Variants in USP7 observed in about 807,000 individuals in gnomAD.
USP7 encodes the protein ubiquitin C-terminal hydrolase 7.
In USP7, 9 loss-of-function variants were observed where a neutral mutation model predicts 162.9. The observed-to-expected ratio is 0.06, with a 90% confidence interval of 0.03 to 0.10. The LOEUF is 0.10. USP7 is among the 10% of genes least tolerant of loss of function. USP7 has a pLI of 1.00. For synonymous variants in USP7, 562 were observed against 475.9 expected (o/e 1.18, Z -2.35); for missense variants, 715 against 1,373.7 (o/e 0.52, Z 7.58).
intron 10 of USP7, among the ~76,000 whole-genome samples, chr16:8,914,069 A>C (rs1298444287): frequency 6.6e-6 from 1 of 152,068 alleles, no homozygotes; most frequent in African/African-American, 2.4e-5. Flanking sequence ...CTTTAAAGGA[A>C]TGACTATAAA....
rs978131276 is a variant in USP7, at chr16:8,893,228, T to G, written c.*770A>C. 6.6e-6 allele frequency: 1 copy of G among 152,232 alleles called. No homozygotes were observed. The highest frequency in any genetic ancestry group is 2.4e-5 in the African/African-American group (1 of 41,450). 9.4% of individuals were successfully genotyped at this position (152,232 alleles called of 1,614,324 possible). A position where few individuals can be genotyped will look rare whatever the true frequency, so the allele number is the denominator to read the frequency against. Reference sequence around the variant, plus strand: ...TGTCGTCTGTTCCACTTTAACGAAATTCTATTTATAATCCTTTCACCTGCT... The same window carrying G: ...TGTCGTCTGTTCCACTTTAACGAAAGTCTATTTATAATCCTTTCACCTGCT... On this transcript the variant is annotated 3_prime_UTR_variant, in exon 31 of 31. Coordinates refer to ENST00000344836, the MANE Select transcript of USP7 (RefSeq NM_003470.3).
chr16:8,947,506 C>T (rs1899342947), intron 1 of USP7, among the ~76,000 whole-genome samples: 1 of 152,090 alleles, frequency 6.6e-6, no homozygotes, highest in South Asian at 2.1e-4. Flanking sequence ...CACCACCACA[C>T]CCAGCTAATT....
chr16:8,936,653 G>A (rs939734028), intron 1 of USP7: 15 of 1,551,814 alleles, frequency 9.7e-6, no homozygotes, highest in Middle Eastern at 1.7e-4. Flanking sequence ...GGGGGATGGG[G>A]GAGGTTCTCT....
chr16:8,915,381 A>G (rs1222459367), intron 9 of USP7, 37 bp from the exon 10 acceptor site: 3 of 1,612,412 alleles, frequency 1.9e-6, no homozygotes, highest in African/African-American at 1.3e-5. Flanking sequence ...TTAACTAGTA[A>G]TAGTCAAAAA....
At chr16:8,945,921 T>C (rs1040361607) in intron 1 of USP7, among the ~76,000 whole-genome samples, 1 of 151,898 alleles carries the variant, frequency 6.6e-6, no homozygotes, top group Non-Finnish European at 1.5e-5. Context: ...ACAACAGCAC[T>C]GATTGAGAAA....
At position 8,908,491 on chromosome 16, in the gene USP7, C is replaced by T. The variant is rs113528786; in HGVS notation, c.1162-41G>A. The T allele has an allele frequency of 3.2e-6, 5 of 1,547,070 alleles. No individual in the cohort carries two copies. The African/African-American group carries it at 4.1e-5, about 13-fold the overall frequency. On this transcript the variant is annotated intron_variant, in intron 11 of 30. Transcript: ENST00000344836. ...CAAATGCAAATGTAGTTAGCCTCTA[C>T]TTACTCCTGGAAGCAATGAAAGCAA... is the stretch of plus-strand genomic sequence containing the variant.
chr16:8,943,732 A>G (rs1425214130), intron 1 of USP7, among the ~76,000 whole-genome samples: 1 of 152,224 alleles, frequency 6.6e-6, no homozygotes, highest in Non-Finnish European at 1.5e-5. Flanking sequence ...GGCAATATGT[A>G]TTAAAATCAA....
intron 1 of USP7, among the ~76,000 whole-genome samples, chr16:8,948,964 G>C (rs1899423765): frequency 6.6e-6 from 1 of 151,280 alleles, no homozygotes. Flanking sequence ...GTCTCCCAAA[G>C]GGGAAAAAAA....
intron 1 of USP7, among the ~76,000 whole-genome samples, chr16:8,953,554 C>G (rs9924609): frequency 9.7e-6 from 1 of 102,574 alleles, no homozygotes; most frequent in Non-Finnish European, 2.1e-5. Flanking sequence ...CCCCATGCGG[C>G]GCCACCGGAA....
intron 4 of USP7, among the ~76,000 whole-genome samples, 188 bp downstream of exon 4, chr16:8,920,969 G>T (rs200500408): frequency 2.6e-5 from 4 of 152,216 alleles, no homozygotes; most frequent in African/African-American, 4.8e-5. Flanking sequence ...AAAGTGAGAC[G>T]TGAATCCAGA....
chr16:8,894,976 C>T, intron 28 of USP7, 55 bp downstream of exon 28: 1 of 1,613,258 alleles, frequency 6.2e-7, no homozygotes. Context: ...CAACAGCGGC[C>T]ACTCAAAGGC....
intron 1 of USP7, chr16:8,936,566 C>T (rs1455515824): frequency 7.2e-6 from 11 of 1,530,604 alleles, no homozygotes; most frequent in Non-Finnish European, 9.6e-6. Context: ...GGAGCTCAAC[C>T]TGAAAACCTG....
In USP7 at chr16:8,963,817, C is replaced by T. The variant is rs1332932443; in HGVS notation, c.-532G>A. ...TTCCGAGAGCCGCGGCCTCCGCCTC[C>T]TCGGCGTCGTCGTCGGGGCTCCGGC... On this transcript the variant is annotated 5_prime_UTR_variant, in exon 1 of 31. Coordinates refer to ENST00000344836, the MANE Select transcript of USP7 (RefSeq NM_003470.3). Among the ~76,000 whole-genome samples the T allele has an allele frequency of 6.8e-6, 1 of 146,412 alleles. No homozygotes were observed. The highest frequency in any genetic ancestry group is 1.5e-5 in the Non-Finnish European group (1 of 65,808).
intron 2 of USP7, among the ~76,000 whole-genome samples, chr16:8,927,115 C>T (rs1172963075): frequency 2.0e-5 from 3 of 151,990 alleles, no homozygotes; most frequent in East Asian, 1.9e-4. Flanking sequence ...GTCAGGAGTG[C>T]GAGACCAGCA....
Position 8,963,323 on chromosome 16 carries a change from CG to C in USP7, c.-39del. 1.1e-6 allele frequency: 1 copy of C among 922,550 alleles called. No individual in the cohort carries two copies. Among genetic ancestry groups the C allele is most frequent in the Non-Finnish European group, 1.3e-6 (1 of 758,706 alleles). The allele number at this position is 922,550 out of a possible 1,614,324, so 57.1% of individuals were successfully genotyped here. A position where few individuals can be genotyped will look rare whatever the true frequency, so the allele number is the denominator to read the frequency against. ...CTGGGCCTCGCCTGCGGCCGGGGGCCGGGGCTGCGAGCCCGGCGGGCGGGCG... is the reference window on the plus strand; with the variant it reads ...CTGGGCCTCGCCTGCGGCCGGGGGCCGGGCTGCGAGCCCGGCGGGCGGGCG... On this transcript the variant is annotated 5_prime_UTR_variant, in exon 1 of 31. Transcript: ENST00000344836.
rs1900113549 is a variant in USP7, at chr16:8,963,639, C to T, written c.-354G>A. On this transcript the variant is annotated 5_prime_UTR_variant, in exon 1 of 31. Coordinates refer to ENST00000344836, the MANE Select transcript of USP7 (RefSeq NM_003470.3). ...GGGCCGGGGCTGCGGGGCCGCGGGC[C>T]GGCCGGGGGCGGAGGGCGGCCGGTC... 1.4e-5 allele frequency among the ~76,000 whole-genome samples: 2 copies of T among 142,406 alleles called. No individual in the cohort carries two copies. The highest frequency in any genetic ancestry group is 2.5e-5 in the African/African-American group (1 of 39,834). 93.4% of individuals were successfully genotyped at this position (142,406 alleles called of 152,430 possible). A position where few individuals can be genotyped will look rare whatever the true frequency, so the allele number is the denominator to read the frequency against.
At chr16:8,943,049 T>G (rs1899119868) in intron 1 of USP7, among the ~76,000 whole-genome samples, 1 of 152,292 alleles carries the variant, frequency 6.6e-6, no homozygotes, top group Middle Eastern at 3.4e-3. Context: ...GTGGACCCAC[T>G]TTGACGCTTT....
chr16:8,902,529 T>C (rs2061791299), intron 16 of USP7, 47 bp from the exon 17 acceptor site: 1 of 1,514,974 alleles, frequency 6.6e-7, no homozygotes, highest in African/African-American at 1.4e-5. Flanking sequence ...ACGCTCATAT[T>C]TTAGTCCTCT....
rs1416680806 is a variant in USP7, at chr16:8,915,274, C to G, written c.1058G>C (p.Ser353Thr). 6.2e-7 allele frequency: 1 copy of G among 1,610,772 alleles called. No individual in the cohort carries two copies. Among genetic ancestry groups the G allele is most frequent in the Non-Finnish European group, 8.5e-7 (1 of 1,179,182 alleles). ...CTTACTATTTTTCTTTCCTTTGATA[C>G]TTAGCTGGATATCATAATAATCTTC... ...RREDYYDIQL[S>T]IKGKKNIFES... Residue 353 changes from serine (S) to threonine (T), a missense_variant, in exon 10 of 31, where the codon AGT becomes ACT. Around this residue, in one of 11 missense-constraint regions of USP7, gnomAD observed 1 missense variants for 17.3 expected, o/e 0.06. Transcript: ENST00000344836.
Sources: gnomAD v4.1 joint callset for allele counts (sites outside exome capture counted in the v4.1 genomes callset) on GRCh38, gnomAD v4.1.1 for gene constraint, gnomAD v4.1.1 regional missense constraint, MANE v1.5 for transcripts, NCBI Gene and HGNC (gene_info 2026-07-23, HGNC 2026-07-21) for gene names.